The following SLC38A6 variants were observed in gnomAD, a reference collection of about 807,000 sequenced individuals.
The protein encoded by SLC38A6 is N system amino acid transporter NAT-1.
Under a neutral mutation model 65.0 loss-of-function variants are expected in SLC38A6, and 73 were observed. That is an observed-to-expected ratio of 1.12 (90% confidence interval 0.93 to 1.37). The LOEUF is 1.37. Among genes scored for constraint, SLC38A6 ranks in the 40% most tolerant of loss-of-function variants. The pLI is 0.00. For missense variants in SLC38A6, 561 were observed against 531.1 expected, an observed-to-expected ratio of 1.06 and a Z score of -0.55; for synonymous variants, 183 against 178.8, an observed-to-expected ratio of 1.02 and a Z score of -0.19.
chr14:61,052,239 A>G (rs2042547942), intron 15 of SLC38A6, 104 bp downstream of exon 15: 17 of 1,251,756 alleles, frequency 1.4e-5, no homozygotes, highest in Admixed American at 2.8e-5. Flanking sequence ...ATTTTAAAAT[A>G]TAGAATACAT....
intron 5 of SLC38A6, among the ~76,000 whole-genome samples, chr14:61,028,608 T>A (rs552147065): frequency 8.7e-4 from 133 of 152,258 alleles, no homozygotes; most frequent in African/African-American, 3.0e-3. Context: ...TCACATACAA[T>A]CAGTTGTAAT....
At chr14:61,010,382 A>AT in intron 3 of SLC38A6, among the ~76,000 whole-genome samples, 1 of 152,086 alleles carries the variant, frequency 6.6e-6, no homozygotes, top group African/African-American at 2.4e-5. Flanking sequence ...CTTTAGTTTA[A>AT]TTAGATCCCA....
At chr14:61,078,255 G>C (rs1033451006) in intron 15 of SLC38A6, among the ~76,000 whole-genome samples, 11 of 152,198 alleles carry the variant, frequency 7.2e-5, no homozygotes, top group Non-Finnish European at 1.5e-4. Flanking sequence ...GGTGAGTGGG[G>C]AAGACTTTGT....
intron 15 of SLC38A6, among the ~76,000 whole-genome samples, chr14:61,068,998 A>G (rs1307566198): frequency 1.3e-5 from 2 of 152,054 alleles, no homozygotes; most frequent in Non-Finnish European, 2.9e-5. Flanking sequence ...CTCAGCCTTC[A>G]TCTCTTTGTG....
chr14:61,071,171 A>G (rs2043213964), intron 15 of SLC38A6, among the ~76,000 whole-genome samples: 1 of 152,212 alleles, frequency 6.6e-6, no homozygotes, highest in Admixed American at 6.5e-5. Context: ...CCATAATTTA[A>G]TTAGCTAGTT....
At chr14:61,019,490 C>T (rs961154054) in intron 4 of SLC38A6, 51 bp from the exon 5 acceptor site, 3 of 1,570,254 alleles carry the variant, frequency 1.9e-6, no homozygotes, top group South Asian at 1.1e-5. Context: ...AATACTGATC[C>T]TTTTATATTG....
chr14:61,001,408 A>G (rs1480916237), intron 3 of SLC38A6, among the ~76,000 whole-genome samples: 1 of 152,148 alleles, frequency 6.6e-6, no homozygotes, highest in Non-Finnish European at 1.5e-5. Flanking sequence ...CAGAAGCTGA[A>G]TTTTTTGTTA....
downstream of SLC38A6, among the ~76,000 whole-genome samples, chr14:61,055,096 A>T (rs1329557730): frequency 4.7e-5 from 5 of 105,660 alleles, no homozygotes; most frequent in African/African-American, 1.0e-4. Flanking sequence ...TTTTTTTTTT[A>T]AGTCTTTTTC....
At position 61,052,594 on chromosome 14, in the gene SLC38A6, T is replaced by G. The variant is rs1029711647; in HGVS notation, c.*165T>G. The G allele has an allele frequency of 6.4e-6, 6 of 939,976 alleles. No individual in the cohort carries two copies. In the African/African-American group the frequency reaches 8.7e-5, roughly 14 times the overall value. 58.2% of individuals were successfully genotyped at this position (939,976 alleles called of 1,614,324 possible). On this transcript the variant is annotated 3_prime_UTR_variant, in exon 16 of 16. Coordinates refer to ENST00000267488, the MANE Select transcript of SLC38A6 (RefSeq NM_153811.3). ...TGGGGAAGTAAGAGTGTGGCAGTTT[T>G]AATCAAAAAAAGAAACAAACTCGAA...
intron 15 of SLC38A6, among the ~76,000 whole-genome samples, chr14:61,068,604 A>AC (rs1406145201): frequency 6.6e-6 from 1 of 152,040 alleles, no homozygotes; most frequent in African/African-American, 2.4e-5. Flanking sequence ...GTCAACTGTC[A>AC]CCCCCTCAGA....
intron 3 of SLC38A6, among the ~76,000 whole-genome samples, chr14:61,009,094 A>G (rs1461461725): frequency 4.6e-5 from 7 of 152,192 alleles, no homozygotes; most frequent in Non-Finnish European, 8.8e-5. Flanking sequence ...AAAAAAGGTT[A>G]CTTCTTTAAA....
At chr14:61,051,700 A>G in intron 13 of SLC38A6, 87 bp from the exon 14 acceptor site, 1 of 1,485,538 alleles carries the variant, frequency 6.7e-7, no homozygotes, top group Non-Finnish European at 9.1e-7. Context: ...AGGCAAAAAT[A>G]TCATGGTTGT....
intron 15 of SLC38A6, among the ~76,000 whole-genome samples, chr14:61,061,193 G>T (rs569447974): frequency 1.3e-5 from 2 of 152,308 alleles, no homozygotes; most frequent in African/African-American, 4.8e-5. Context: ...CTATTGAGAT[G>T]ATCATGTGGT....
chr14:61,066,607 T>C lies in SLC38A6; in HGVS notation c.1291-12203T>C, dbSNP rs551115245. ...TTGCAGAGAAATGTTTCTCACTTGT[T>C]TGAGTGTACAGTCATCCCTTGGGGG... On this transcript the variant is annotated intron_variant, in intron 15 of 16. Coordinates refer to the SLC38A6 transcript ENST00000354886. 1.1e-4 allele frequency among the ~76,000 whole-genome samples: 17 copies of C among 152,330 alleles called. No homozygotes were observed. The East Asian group carries it at 3.1e-3, about 28-fold the overall frequency.
chr14:61,032,443 AT>A (rs1026639398), intron 6 of SLC38A6, among the ~76,000 whole-genome samples: 3 of 151,948 alleles, frequency 2.0e-5, no homozygotes, highest in East Asian at 3.9e-4. Flanking sequence ...TGTTGCATTG[AT>A]TTTTTTGTTT....
intron 3 of SLC38A6, among the ~76,000 whole-genome samples, chr14:60,989,381 C>T (rs1179618647): frequency 1.3e-5 from 2 of 152,092 alleles, no homozygotes; most frequent in Non-Finnish European, 2.9e-5. Context: ...TTTTACTTTG[C>T]ATCTTTTGAA....
chr14:61,027,280 A>G (rs947664098), intron 5 of SLC38A6, among the ~76,000 whole-genome samples: 3 of 152,162 alleles, frequency 2.0e-5, no homozygotes, highest in African/African-American at 7.2e-5. Context: ...ACATCAAGGT[A>G]TATCTTCTGG....
At chr14:61,073,715 T>C in intron 15 of SLC38A6, 1 of 152,138 alleles carries the variant, frequency 6.6e-6, no homozygotes, top group East Asian at 1.9e-4. Flanking sequence ...CATTTGGTCG[T>C]ATTTATTTTG....
At chr14:61,083,459 A>C in intron 16 of SLC38A6, 1 of 1,469,256 alleles carries the variant, frequency 6.8e-7, no homozygotes. Flanking sequence ...CTCAGAATGC[A>C]ACTGTATTTG....
Sources: allele counts gnomAD v4.1 joint callset (sites outside exome capture counted in the v4.1 genomes callset), GRCh38; gene constraint gnomAD v4.1.1; transcripts MANE v1.5; gene names NCBI Gene and HGNC (gene_info 2026-07-23, HGNC 2026-07-21).